PPP1R12B: variants seen among roughly 807,000 people sequenced by gnomAD.
PPP1R12B encodes the protein myosin phosphatase target subunit 2.
In PPP1R12B, 76 loss-of-function variants were observed where a neutral mutation model predicts 126.1. The observed-to-expected ratio is 0.60, with a 90% CI of 0.50 to 0.73. PPP1R12B has a LOEUF of 0.73. Ranked by LOEUF, PPP1R12B falls within the 30% of genes least tolerant of loss-of-function variation. PPP1R12B has a pLI of 0.00. For synonymous variants in PPP1R12B, 356 were observed against 434.7 expected, an observed-to-expected ratio of 0.82 and a Z score of 2.25; for missense variants, 1,052 against 1,205.1, an observed-to-expected ratio of 0.87 and a Z score of 1.88.
At chr1:202,561,393 T>C (rs996062154) in intron 19 of PPP1R12B, among the ~76,000 whole-genome samples, 1 of 152,106 alleles carries the variant, frequency 6.6e-6, no homozygotes, top group African/African-American at 2.4e-5. Flanking sequence ...GTCTTTTTTT[T>C]TTTTTTAGTG....
Position 202,581,522 on chromosome 1 carries a change from T to G in PPP1R12B, c.*962T>G, listed in dbSNP as rs1212267371. On this transcript the variant is annotated 3_prime_UTR_variant, in exon 24 of 24. Coordinates refer to ENST00000608999, the MANE Select transcript of PPP1R12B (RefSeq NM_002481.4). ...ATAAGAAAATTTGGGCTCTGAATAC[T>G]CCATTCTGCCTCACTTCCTTGACCT... is the stretch of plus-strand genomic sequence containing the variant. The G allele has an allele frequency of 6.6e-6, 1 of 152,186 alleles. No individual in the cohort carries two copies. The highest frequency in any genetic ancestry group is 1.5e-5 in the Non-Finnish European group (1 of 68,052). The allele number at this position is 152,186 out of a possible 1,614,324, so 9.4% of individuals were successfully genotyped here. A position where few individuals can be genotyped will look rare whatever the true frequency, so the allele number is the denominator to read the frequency against.
At chr1:202,535,544 G>T (rs952072420) in intron 18 of PPP1R12B, among the ~76,000 whole-genome samples, 2 of 152,074 alleles carry the variant, frequency 1.3e-5, no homozygotes, top group African/African-American at 4.8e-5. Context: ...TCCTCTATTT[G>T]ATAGTTCTTA....
intron 12 of PPP1R12B, among the ~76,000 whole-genome samples, chr1:202,447,074 C>A (rs1312556511): frequency 6.6e-6 from 1 of 152,134 alleles, no homozygotes; most frequent in Non-Finnish European, 1.5e-5. Context: ...CCTCTAGTGG[C>A]CAGGAGACTT....
intron 22 of PPP1R12B, 54 bp from the exon 23 acceptor site, chr1:202,569,093 T>G (rs1353087474): frequency 1.3e-6 from 2 of 1,583,138 alleles, no homozygotes; most frequent in African/African-American, 2.7e-5. Flanking sequence ...GAGGCAGCAT[T>G]TTTACTCCCT....
intron 8 of PPP1R12B, among the ~76,000 whole-genome samples, chr1:202,434,111 A>G (rs1277112073): frequency 6.6e-6 from 1 of 152,208 alleles, no homozygotes; most frequent in African/African-American, 2.4e-5. Context: ...AGTGCTTTTT[A>G]CTTTGCACCA....
Position 202,430,730 on chromosome 1 carries a change from G to T in PPP1R12B, c.922-1G>T. On this transcript the variant is annotated splice_acceptor_variant, in intron 6 of 23. Transcript: ENST00000608999. LOFTEE classifies it high-confidence loss of function. Reference sequence around the variant, plus strand: ...TTTCTCTCTGTTTTCTCCATTTCCAGCTTCGAAGTGAAAAGGAGACACGGA... The same window carrying T: ...TTTCTCTCTGTTTTCTCCATTTCCATCTTCGAAGTGAAAAGGAGACACGGA... The T allele has an allele frequency of 6.2e-6, 10 of 1,611,308 alleles. No individual in the cohort carries two copies. Among genetic ancestry groups the T allele is most frequent in the Non-Finnish European group, 8.5e-6 (10 of 1,178,424 alleles).
chr1:202,430,510 T>C (rs974289395), intron 6 of PPP1R12B, among the ~76,000 whole-genome samples: 3 of 152,200 alleles, frequency 2.0e-5, no homozygotes, highest in African/African-American at 7.2e-5. Flanking sequence ...GCAGTTTTAT[T>C]GAAGTTCTTA....
In PPP1R12B at chr1:202,591,114, A is replaced by T. The variant is rs537964876; in HGVS notation, c.*10554A>T. 6.6e-6 allele frequency: 1 copy of T among 152,246 alleles called. No individual in the cohort carries two copies. The highest frequency in any genetic ancestry group is 2.1e-4 in the South Asian group (1 of 4,820). 9.4% of individuals were successfully genotyped at this position (152,246 alleles called of 1,614,324 possible). On this transcript the variant is annotated 3_prime_UTR_variant, in exon 24 of 24. Transcript: ENST00000608999. Reference sequence around the variant, plus strand: ...AAGCAAGACATGTCTTCACTGGTCCAAGCACCTGATTCCAGCCTGCTCTGA... The same window carrying T: ...AAGCAAGACATGTCTTCACTGGTCCTAGCACCTGATTCCAGCCTGCTCTGA...
At chr1:202,554,343 T>G (rs558644092) in intron 18 of PPP1R12B, among the ~76,000 whole-genome samples, 1 of 152,318 alleles carries the variant, frequency 6.6e-6, no homozygotes, top group Admixed American at 6.5e-5. Flanking sequence ...ACAGCGAGAA[T>G]AATTCACCCT....
intron 1 of PPP1R12B, among the ~76,000 whole-genome samples, chr1:202,395,898 GT>G (rs1453564869): frequency 1.3e-5 from 2 of 152,062 alleles, no homozygotes; most frequent in Non-Finnish European, 2.9e-5. Context: ...AATAGTATAC[GT>G]TTTTATCACT....
intron 15 of PPP1R12B, among the ~76,000 whole-genome samples, chr1:202,495,062 A>G (rs1679367416): frequency 6.7e-6 from 1 of 148,894 alleles, no homozygotes; most frequent in African/African-American, 2.5e-5. Flanking sequence ...TGCTCTCAAC[A>G]TGATGGGATT....
chr1:202,516,300 A>G (rs1682138187), intron 18 of PPP1R12B, among the ~76,000 whole-genome samples: 1 of 152,216 alleles, frequency 6.6e-6, no homozygotes, highest in African/African-American at 2.4e-5. Flanking sequence ...TACATGGAAT[A>G]GATTCCCCAC....
At chr1:202,558,397 G>C (rs1687181916) in intron 18 of PPP1R12B, among the ~76,000 whole-genome samples, 1 of 152,006 alleles carries the variant, frequency 6.6e-6, no homozygotes, top group Non-Finnish European at 1.5e-5. Context: ...AGAAACTGAG[G>C]AAGTCTCCTG....
At chr1:202,389,302 G>A (rs1663689006) in intron 1 of PPP1R12B, among the ~76,000 whole-genome samples, 1 of 152,170 alleles carries the variant, frequency 6.6e-6, no homozygotes, top group African/African-American at 2.4e-5. Flanking sequence ...AAGATTTTGT[G>A]ATCAAGGATT....
intron 19 of PPP1R12B, among the ~76,000 whole-genome samples, chr1:202,560,571 G>A (rs937675402): frequency 2.0e-5 from 3 of 152,158 alleles, no homozygotes; most frequent in Admixed American, 6.5e-5. Flanking sequence ...ACACTCTCAC[G>A]GCCATCTTGG....
At chr1:202,373,079 C>T (rs1160762738) in intron 1 of PPP1R12B, among the ~76,000 whole-genome samples, 2 of 151,888 alleles carry the variant, frequency 1.3e-5, no homozygotes, top group African/African-American at 4.8e-5. Flanking sequence ...GGACTACAGG[C>T]GCACACCACC....
chr1:202,421,674 A>G (rs1242105220), intron 2 of PPP1R12B, among the ~76,000 whole-genome samples: 2 of 151,994 alleles, frequency 1.3e-5, no homozygotes, highest in African/African-American at 2.4e-5. Context: ...GGTTTCTTCA[A>G]TATAGTAGGG....
Position 202,438,000 on chromosome 1 carries a change from T to C in PPP1R12B, c.1434T>C (p.Ser478=). The change falls in exon 10 of 24, where the codon TCT becomes TCC. Residue 478 remains serine, a synonymous_variant. Transcript: ENST00000608999. The stretch of plus-strand genomic sequence containing the variant: ...GCTCCTCTTCAAGCCCTCGGATTTC[T>C]GCTCTACTGGACAACAAAGATAAGG... ...IYRSSSSPRI[S]ALLDNKDKER... 1 of 1,614,044 alleles carries C rather than the reference T, an allele frequency of 6.2e-7. No individual in the cohort carries two copies. Among genetic ancestry groups the C allele is most frequent in the South Asian group, 1.1e-5 (1 of 91,072 alleles).
chr1:202,452,886 C>G (rs1673186204), intron 13 of PPP1R12B, among the ~76,000 whole-genome samples: 1 of 151,190 alleles, frequency 6.6e-6, no homozygotes, highest in African/African-American at 2.4e-5. Flanking sequence ...AAGCTGGTCT[C>G]AAACTCCTGG....
Sources: gnomAD v4.1 joint callset for allele counts (sites outside exome capture counted in the v4.1 genomes callset) on GRCh38, gnomAD v4.1.1 for gene constraint, MANE v1.5 for transcripts, NCBI Gene and HGNC (gene_info 2026-07-23, HGNC 2026-07-21) for gene names.